The following COL24A1 variants were observed in gnomAD, a reference collection of about 807,000 sequenced individuals.
COL24A1 encodes collagen type XXIV alpha 1 chain.
Under a neutral mutation model 253.9 loss-of-function variants are expected in COL24A1, and 224 were observed. That is an observed-to-expected ratio of 0.88 (90% CI 0.79 to 0.99). The LOEUF is 0.99. Ranked by LOEUF, COL24A1 falls within the 50% of genes least tolerant of loss-of-function variation. COL24A1 has a pLI of 0.00. For missense variants in COL24A1, 2,131 were observed against 2,068.5 expected, an observed-to-expected ratio of 1.03 and a Z score of -0.59; for synonymous variants, 685 against 673.7, an observed-to-expected ratio of 1.02 and a Z score of -0.26.
intron 32 of COL24A1, among the ~76,000 whole-genome samples, chr1:85,886,615 A>G (rs1682533198): frequency 6.6e-6 from 1 of 151,970 alleles, no homozygotes; most frequent in African/African-American, 2.4e-5. Context: ...CAGTGAGCCA[A>G]GATTGCACCA....
At chr1:86,026,970 C>A (rs1698089388) in intron 14 of COL24A1, among the ~76,000 whole-genome samples, 1 of 152,156 alleles carries the variant, frequency 6.6e-6, no homozygotes, top group Non-Finnish European at 1.5e-5. Flanking sequence ...CTTTAGCTAA[C>A]AGACTGGTGG....
intron 2 of COL24A1, among the ~76,000 whole-genome samples, chr1:86,127,710 C>G (rs1245420843): frequency 6.6e-6 from 1 of 151,938 alleles, no homozygotes; most frequent in Non-Finnish European, 1.5e-5. Context: ...TAGCCAGGAA[C>G]GTTTGGCATC....
chr1:86,016,603 C>T (rs474106), intron 19 of COL24A1, among the ~76,000 whole-genome samples: 47,306 of 151,996 alleles, frequency 0.31, 7,875 homozygotes, highest in Middle Eastern at 0.51. Context: ...AGGTCTGACT[C>T]ATAGTAGGAT....
intron 47 of COL24A1, among the ~76,000 whole-genome samples, chr1:85,791,457 G>A (rs759469672): frequency 2.0e-5 from 3 of 152,132 alleles, no homozygotes; most frequent in Non-Finnish European, 2.9e-5. Flanking sequence ...AAAGCATATG[G>A]TGGGTAGATT....
intron 19 of COL24A1, among the ~76,000 whole-genome samples, chr1:85,989,474 C>G (rs190444259): frequency 4.6e-5 from 7 of 152,196 alleles, no homozygotes; most frequent in Admixed American, 3.9e-4. Context: ...CCCTCCACAA[C>G]CCTAGGGCAA....
At chr1:86,091,091 G>T (rs1703459793) in intron 6 of COL24A1, among the ~76,000 whole-genome samples, 1 of 151,872 alleles carries the variant, frequency 6.6e-6, no homozygotes, top group Non-Finnish European at 1.5e-5. Flanking sequence ...TTCTCATATT[G>T]CAGAATTTTG....
chr1:85,832,157 T>C (rs1189944074), intron 43 of COL24A1, among the ~76,000 whole-genome samples: 1 of 152,064 alleles, frequency 6.6e-6, no homozygotes, highest in Non-Finnish European at 1.5e-5. Flanking sequence ...CTAGCCAGTT[T>C]TCCTAGCACC....
intron 24 of COL24A1, among the ~76,000 whole-genome samples, chr1:85,913,248 T>TA (rs1293971990): frequency 6.6e-6 from 1 of 152,172 alleles, no homozygotes; most frequent in Non-Finnish European, 1.5e-5. Flanking sequence ...GCTGGTTTGA[T>TA]AAAACGGTGA....
chr1:86,130,556 TATTA>T (rs1220186622), intron 2 of COL24A1, among the ~76,000 whole-genome samples: 1 of 152,102 alleles, frequency 6.6e-6, no homozygotes, highest in African/African-American at 2.4e-5. Flanking sequence ...TACACATATC[TATTA>T]ATTCTTTCCT....
intron 47 of COL24A1, among the ~76,000 whole-genome samples, chr1:85,794,015 C>A (rs939460999): frequency 6.6e-6 from 1 of 151,302 alleles, no homozygotes; most frequent in South Asian, 2.1e-4. Context: ...ATGTAAGCAG[C>A]AAAAAAAATA....
At chr1:86,058,498 C>T (rs1356517519) in intron 9 of COL24A1, among the ~76,000 whole-genome samples, 2 of 150,800 alleles carry the variant, frequency 1.3e-5, no homozygotes, top group Non-Finnish European at 3.0e-5. Context: ...TCTTATTTCC[C>T]TCATTCTTGA....
At chr1:86,017,014 T>C (rs1697054795) in intron 19 of COL24A1, 137 bp downstream of exon 19, 3 of 779,208 alleles carry the variant, frequency 3.9e-6, no homozygotes, top group Admixed American at 6.5e-5. Context: ...AGAAAAAATG[T>C]AGTCCAAACT....
chr1:85,817,819 C>T (rs1401227660), intron 46 of COL24A1, among the ~76,000 whole-genome samples: 1 of 152,094 alleles, frequency 6.6e-6, no homozygotes, highest in Non-Finnish European at 1.5e-5. Context: ...AAATAGCATC[C>T]TTCAACTGCA....
chr1:86,024,398 G>A (rs1380343879), intron 14 of COL24A1, among the ~76,000 whole-genome samples: 1 of 152,050 alleles, frequency 6.6e-6, no homozygotes, highest in African/African-American at 2.4e-5. Context: ...AGTGTAGAAT[G>A]AATACTGAAG....
chr1:85,814,948 T>C (rs1378834369), intron 47 of COL24A1, among the ~76,000 whole-genome samples: 2 of 152,170 alleles, frequency 1.3e-5, no homozygotes, highest in African/African-American at 4.8e-5. Flanking sequence ...AATGACTTCC[T>C]GGTCCTATTA....
chr1:85,776,948 TTTAC>T (rs1057274067), intron 52 of COL24A1, among the ~76,000 whole-genome samples: 40 of 151,022 alleles, frequency 2.6e-4, no homozygotes, highest in Non-Finnish European at 4.7e-4. Context: ...TATTTATTTA[TTTAC>T]TTATTTTTTT....
chr1:86,011,275 C>A (rs937374040), intron 19 of COL24A1, among the ~76,000 whole-genome samples: 1 of 152,024 alleles, frequency 6.6e-6, no homozygotes, highest in East Asian at 1.9e-4. Flanking sequence ...AAAGTGGTAA[C>A]GGTGGTGGCT....
chr1:85,858,667 CCTTCCTTCCT>C (rs1451561646), intron 37 of COL24A1, among the ~76,000 whole-genome samples: 8 of 150,596 alleles, frequency 5.3e-5, no homozygotes, highest in African/African-American at 2.0e-4. Flanking sequence ...TTCCTTCCTT[CCTTCCTTCCT>C]TCCCTCCGTC....
chr1:86,015,401 T>C (rs618555), intron 19 of COL24A1, among the ~76,000 whole-genome samples: 117,841 of 152,080 alleles, frequency 0.77, 46,866 homozygotes, highest in African/African-American at 0.94. Context: ...ATGGATATTA[T>C]GAAATTTTAA....
Sources: gnomAD v4.1 joint callset for allele counts (sites outside exome capture counted in the v4.1 genomes callset) on GRCh38, gnomAD v4.1.1 for gene constraint, MANE v1.5 for transcripts, NCBI Gene and HGNC (gene_info 2026-07-23, HGNC 2026-07-21) for gene names.